VDAC1: variants seen among roughly 807,000 people sequenced by gnomAD.
VDAC1 encodes the protein voltage dependent anion channel 1.
A neutral mutation model predicts 34.7 loss-of-function variants in VDAC1; 10 were observed. That is an observed-to-expected ratio of 0.29 (90% CI 0.18 to 0.49). VDAC1 has a LOEUF of 0.49. Ranked by LOEUF, VDAC1 falls within the 20% of genes least tolerant of loss-of-function variation. VDAC1 has a pLI of 0.99. For synonymous variants in VDAC1, 130 were observed against 136.0 expected (o/e 0.96, Z 0.30); for missense variants, 230 against 347.9 (o/e 0.66, Z 2.69).
chr5:134,106,686 G>A, the VDAC1 span, among the ~76,000 whole-genome samples: 2 of 152,120 alleles, frequency 1.3e-5, no homozygotes, highest in African/African-American at 4.8e-5. Flanking sequence ...GATTACAGGC[G>A]TGAGCCACCG....
chr5:134,073,702 T>C, the VDAC1 span, among the ~76,000 whole-genome samples: 2 of 152,136 alleles, frequency 1.3e-5, no homozygotes, highest in African/African-American at 4.8e-5. Context: ...TACTAAGCAG[T>C]CATTTAAAAA....
chr5:134,103,501 CG>C, the VDAC1 span, among the ~76,000 whole-genome samples: 108 of 152,256 alleles, frequency 7.1e-4, no homozygotes, highest in Admixed American at 1.8e-3. Flanking sequence ...CAGGAGAGAT[CG>C]ACTCCCCTCT....
intron 1 of VDAC1, among the ~76,000 whole-genome samples, chr5:134,002,479 T>A (rs995504928): frequency 2.0e-5 from 3 of 152,156 alleles, no homozygotes; most frequent in Non-Finnish European, 4.4e-5. Context: ...GTCACCCATG[T>A]CACCCTCCCT....
chr5:134,097,744 A>G, the VDAC1 span, among the ~76,000 whole-genome samples: 2 of 152,348 alleles, frequency 1.3e-5, no homozygotes, highest in African/African-American at 2.4e-5. Context: ...TGAGGCCCAC[A>G]GACATAGAAG....
chr5:134,067,716 GAGA>G, the VDAC1 span, among the ~76,000 whole-genome samples: 51 of 151,528 alleles, frequency 3.4e-4, no homozygotes, highest in Middle Eastern at 3.4e-3. Flanking sequence ...GAAGGAGAGG[GAGA>G]AGGAGAAGGA....
the VDAC1 span, among the ~76,000 whole-genome samples, chr5:134,040,451 TG>T: frequency 1.7e-4 from 26 of 152,124 alleles, 1 homozygote; most frequent in Non-Finnish European, 2.9e-4. Context: ...GGCACGTGCC[TG>T]TAGTCCCAGC....
At chr5:134,112,321 A>G in the VDAC1 span, among the ~76,000 whole-genome samples, 1 of 152,218 alleles carries the variant, frequency 6.6e-6, no homozygotes, top group Non-Finnish European at 1.5e-5. Flanking sequence ...AAAGCAGCCA[A>G]TGGCTCCTGG....
chr5:134,041,431 A>T, the VDAC1 span, among the ~76,000 whole-genome samples: 1 of 152,174 alleles, frequency 6.6e-6, no homozygotes, highest in East Asian at 1.9e-4. Flanking sequence ...AGGCGAAGGA[A>T]TGGGTCTGGG....
At chr5:134,086,701 C>CCCTTCCCCTTCT in the VDAC1 span, among the ~76,000 whole-genome samples, 7 of 152,056 alleles carry the variant, frequency 4.6e-5, no homozygotes, top group African/African-American at 1.4e-4. Context: ...CTTCCCCTTC[C>CCCTTCCCCTTCT]CCTTCCCCTT....
upstream of VDAC1, among the ~76,000 whole-genome samples, chr5:134,006,860 CTTAG>C (rs1561605501): frequency 6.6e-6 from 1 of 151,886 alleles, no homozygotes; most frequent in Admixed American, 6.6e-5. Context: ...TAACCACTCA[CTTAG>C]TGGCTGCGTG....
chr5:134,059,252 GAGGCTCCC>G, the VDAC1 span, among the ~76,000 whole-genome samples: 3 of 152,206 alleles, frequency 2.0e-5, no homozygotes, highest in Admixed American at 1.3e-4. Flanking sequence ...CAGCCAACGT[GAGGCTCCC>G]AGGCTCCCAG....
chr5:134,070,250 T>A, the VDAC1 span, among the ~76,000 whole-genome samples: 1 of 152,154 alleles, frequency 6.6e-6, no homozygotes, highest in Non-Finnish European at 1.5e-5. Context: ...CAAGCGATTC[T>A]CCTGCCTCAG....
the VDAC1 span, among the ~76,000 whole-genome samples, chr5:134,067,326 C>T: frequency 8.6e-5 from 13 of 150,746 alleles, no homozygotes; most frequent in African/African-American, 2.4e-4. Context: ...ATGCCCACCT[C>T]GGCCTCCCAA....
intron 5 of VDAC1, among the ~76,000 whole-genome samples, chr5:133,984,678 G>GT (rs1752843005): frequency 6.6e-6 from 1 of 152,190 alleles, no homozygotes; most frequent in Non-Finnish European, 1.5e-5. Flanking sequence ...CCTCACACCT[G>GT]TAATTCCAAC....
At chr5:134,094,691 G>A in the VDAC1 span, among the ~76,000 whole-genome samples, 8 of 76,078 alleles carry the variant, frequency 1.1e-4, no homozygotes, top group South Asian at 5.7e-4. Flanking sequence ...GTGAGACTCC[G>A]TCTCAAAAAA....
chr5:134,079,004 A>C, the VDAC1 span, among the ~76,000 whole-genome samples: 4 of 121,122 alleles, frequency 3.3e-5, no homozygotes, highest in Non-Finnish European at 5.2e-5. Context: ...ATAGGGTTTC[A>C]CTCTGTGGCC....
chr5:133,994,493 A>AG (rs1248184156), intron 1 of VDAC1, among the ~76,000 whole-genome samples: 3 of 152,096 alleles, frequency 2.0e-5, no homozygotes, highest in African/African-American at 2.4e-5. Flanking sequence ...TAGAGAGATG[A>AG]GGGGGGAAGA....
At chr5:133,999,397 G>A (rs1580730858) in intron 1 of VDAC1, among the ~76,000 whole-genome samples, 2 of 152,186 alleles carry the variant, frequency 1.3e-5, no homozygotes, top group East Asian at 3.8e-4. Flanking sequence ...ACAAATGGCA[G>A]TAATAACCAT....
chr5:133,992,044 C>G (rs1753122605), intron 3 of VDAC1, among the ~76,000 whole-genome samples: 1 of 152,144 alleles, frequency 6.6e-6, no homozygotes, highest in Non-Finnish European at 1.5e-5. Flanking sequence ...CAAGACCAGC[C>G]TGACCAACAT....
Sources: gnomAD v4.1 joint callset for allele counts (sites outside exome capture counted in the v4.1 genomes callset) on GRCh38, gnomAD v4.1.1 for gene constraint, MANE v1.5 for transcripts, NCBI Gene and HGNC (gene_info 2026-07-23, HGNC 2026-07-21) for gene names.